Variants in MIPOL1 observed in about 807,000 individuals in gnomAD.
The protein encoded by MIPOL1 is mirror-image polydactyly gene 1 protein.
Under a neutral mutation model 60.9 loss-of-function variants are expected in MIPOL1, and 57 were observed. The observed-to-expected ratio is 0.94, with a 90% CI of 0.76 to 1.17. The LOEUF (loss-of-function observed/expected upper bound fraction) is 1.17, where lower values mean the gene tolerates loss of function less well. Ranked by LOEUF, MIPOL1 falls within the 50% of genes most tolerant of loss-of-function variation. The pLI is 0.00. For synonymous variants in MIPOL1, 179 were observed against 168.8 expected (o/e 1.06, Z -0.47); for missense variants, 551 against 511.6 (o/e 1.08, Z -0.74).
At chr14:37,328,253 A>G (rs6420826) in intron 9 of MIPOL1, among the ~76,000 whole-genome samples, 148,011 of 152,042 alleles carry the variant, frequency 0.97, 72,089 homozygotes, top group East Asian at 1. Context: ...GACCTCGGGC[A>G]ATCCATCCGC....
intron 3 of MIPOL1, among the ~76,000 whole-genome samples, chr14:37,248,467 A>AG (rs1294161940): frequency 6.6e-6 from 1 of 152,048 alleles, no homozygotes; most frequent in Non-Finnish European, 1.5e-5. Context: ...TGAGGGACAG[A>AG]GAAAAAAAAG....
intron 11 of MIPOL1, among the ~76,000 whole-genome samples, chr14:37,434,067 C>A (rs2094123137): frequency 6.6e-6 from 1 of 152,152 alleles, no homozygotes; most frequent in South Asian, 2.1e-4. Context: ...ATCGCTGGAT[C>A]AAATGGTATT....
At chr14:37,527,236 G>C (rs1309018419) in intron 12 of MIPOL1, among the ~76,000 whole-genome samples, 1 of 151,380 alleles carries the variant, frequency 6.6e-6, no homozygotes, top group East Asian at 1.9e-4. Flanking sequence ...TTAACAGAGA[G>C]GTTTTATTTT....
At chr14:37,243,742 G>C (rs1307107783) in intron 1 of MIPOL1, among the ~76,000 whole-genome samples, 1 of 152,280 alleles carries the variant, frequency 6.6e-6, no homozygotes, top group Admixed American at 6.5e-5. Context: ...CCTGGATACT[G>C]TTACATTGGG....
intron 1 of MIPOL1, among the ~76,000 whole-genome samples, chr14:37,242,551 T>G (rs2153347642): frequency 6.6e-6 from 1 of 152,254 alleles, no homozygotes; most frequent in South Asian, 2.1e-4. Context: ...ACCATATAGG[T>G]TTTCCATATG....
intron 6 of MIPOL1, among the ~76,000 whole-genome samples, chr14:37,283,738 C>T (rs1275243372): frequency 1.3e-5 from 2 of 152,120 alleles, no homozygotes; most frequent in Non-Finnish European, 2.9e-5. Context: ...TTTAATTTTT[C>T]ATAACATCAT....
chr14:37,424,552 A>C (rs2093929416), intron 11 of MIPOL1, among the ~76,000 whole-genome samples: 1 of 152,202 alleles, frequency 6.6e-6, no homozygotes, highest in South Asian at 2.1e-4. Context: ...TATAGTTTCC[A>C]GAACTATGTG....
rs113106190 is a variant in MIPOL1, at chr14:37,426,797, C to T, written c.1031+3848C>T. On this transcript the variant is annotated intron_variant, in intron 11 of 12. Transcript: ENST00000684589. ...GAGCATGACCCAAAAACAGATAAAT[C>T]GTACATATTGAATGAAGATATATCA... 7.3e-3 allele frequency among the ~76,000 whole-genome samples: 1,106 copies of T among 151,488 alleles called. 14 individuals are homozygous for T. The highest frequency in any genetic ancestry group is 0.025 in the African/African-American group (1,035 of 41,308).
intron 11 of MIPOL1, among the ~76,000 whole-genome samples, chr14:37,476,590 T>C (rs2094778106): frequency 6.6e-6 from 1 of 152,182 alleles, no homozygotes; most frequent in African/African-American, 2.4e-5. Flanking sequence ...CTGTATAAAA[T>C]TGAGATAGCT....
At chr14:37,450,019 G>A (rs2094394916) in intron 11 of MIPOL1, among the ~76,000 whole-genome samples, 1 of 152,036 alleles carries the variant, frequency 6.6e-6, no homozygotes, top group Non-Finnish European at 1.5e-5. Context: ...CGCCATACTG[G>A]CCAGGCTGGT....
chr14:37,241,999 A>C (rs982008564), intron 1 of MIPOL1, among the ~76,000 whole-genome samples: 2 of 151,990 alleles, frequency 1.3e-5, no homozygotes, highest in African/African-American at 2.4e-5. Flanking sequence ...ACAAAGTATA[A>C]TTATAAAAGA....
chr14:37,400,745 C>G (rs1354781102), intron 10 of MIPOL1: 5 of 152,078 alleles, frequency 3.3e-5, no homozygotes, highest in African/African-American at 1.2e-4. Context: ...AATGGTTGTG[C>G]CCTACAGAAA....
Position 37,247,832 on chromosome 14 carries a change from C to G in MIPOL1, c.-57C>G. On this transcript the variant is annotated 5_prime_UTR_variant, in exon 3 of 13. Coordinates refer to ENST00000684589, the MANE Select transcript of MIPOL1 (RefSeq NM_001388067.1). ...TCTAGAGTTGGCTTTATTTTAGCTG[C>G]AAATCTTGGAGCAAAAACCAGAGAC... 6.2e-7 allele frequency: 1 copy of G among 1,600,248 alleles called. No individual in the cohort carries two copies. Among genetic ancestry groups the G allele is most frequent in the Non-Finnish European group, 8.5e-7 (1 of 1,170,180 alleles).
At chr14:37,293,432 A>G (rs2085289772) in intron 7 of MIPOL1, among the ~76,000 whole-genome samples, 1 of 152,148 alleles carries the variant, frequency 6.6e-6, no homozygotes, top group Non-Finnish European at 1.5e-5. Flanking sequence ...TACCAGGTTC[A>G]TCTCACTGGG....
At chr14:37,365,882 T>G (rs972314976) in intron 9 of MIPOL1, among the ~76,000 whole-genome samples, 3 of 152,026 alleles carry the variant, frequency 2.0e-5, no homozygotes, top group Admixed American at 6.6e-5. Context: ...CTTCGATTTC[T>G]TTACTTGCTC....
At chr14:37,231,511 T>A (rs1279320892) in intron 1 of MIPOL1, among the ~76,000 whole-genome samples, 2 of 152,226 alleles carry the variant, frequency 1.3e-5, no homozygotes, top group Non-Finnish European at 2.9e-5. Flanking sequence ...GTGTGCTTGA[T>A]ACTAAGGCTA....
chr14:37,427,775 A>G (rs1354816533), intron 11 of MIPOL1, among the ~76,000 whole-genome samples: 2 of 152,170 alleles, frequency 1.3e-5, no homozygotes, highest in South Asian at 2.1e-4. Context: ...AGTAAACAGT[A>G]TTTCTTACAC....
At chr14:37,316,050 C>G (rs1175913262) in intron 9 of MIPOL1, among the ~76,000 whole-genome samples, 6 of 148,346 alleles carry the variant, frequency 4.0e-5, no homozygotes, top group African/African-American at 1.5e-4. Flanking sequence ...TTTTTGAGAC[C>G]GAATCTTGCT....
At position 37,364,512 on chromosome 14, in the gene MIPOL1, C is replaced by G. The variant is rs537952847; in HGVS notation, c.829-5005C>G. On this transcript the variant is annotated intron_variant, in intron 9 of 12. Coordinates refer to ENST00000684589, the MANE Select transcript of MIPOL1 (RefSeq NM_001388067.1). ...TTTTCCCCAGTGTATGTTCTTGGCA[C>G]TTTTGTTAAAAATTAGTTCACTGTA... Among the ~76,000 whole-genome samples, 3 of 152,272 alleles carry G rather than the reference C, an allele frequency of 2.0e-5. No homozygotes were observed. In the South Asian group the frequency reaches 6.2e-4, roughly 32 times the overall value.
Sources: allele counts gnomAD v4.1 joint callset (sites outside exome capture counted in the v4.1 genomes callset), GRCh38; gene constraint gnomAD v4.1.1; transcripts MANE v1.5; gene names NCBI Gene and HGNC (gene_info 2026-07-23, HGNC 2026-07-21).